ZNF354C: variants seen among roughly 807,000 people sequenced by gnomAD.
ZNF354C encodes zinc finger protein 354C, also known as KRAB-zinc finger protein synten.
In ZNF354C, 7 loss-of-function variants were observed where a neutral mutation model predicts 12.4. That is an observed-to-expected ratio of 0.56 (90% CI 0.32 to 1.06). The LOEUF (loss-of-function observed/expected upper bound fraction) is 1.06. Ranked by LOEUF, ZNF354C falls within the 50% of genes least tolerant of loss-of-function variation. ZNF354C has a pLI of 0.04. For missense variants in ZNF354C, 609 were observed against 658.0 expected, an observed-to-expected ratio of 0.93 and a Z score of 0.81; for synonymous variants, 202 against 224.5, an observed-to-expected ratio of 0.90 and a Z score of 0.90.
intron 2 of ZNF354C, among the ~76,000 whole-genome samples, chr5:179,069,676 TA>T (rs1762016568): frequency 1.3e-5 from 2 of 150,228 alleles, no homozygotes; most frequent in African/African-American, 4.9e-5. Flanking sequence ...CCATCCTGGC[TA>T]ACATGGCGAA....
In ZNF354C at chr5:179,079,080, C is replaced by T. The variant is rs775327716; in HGVS notation, c.648C>T (p.His216=). Residue 216 remains histidine, a synonymous_variant, in exon 5 of 5, where the codon CAC becomes CAT. Transcript: ENST00000315475. This position sits in a 1 kb window ranked among gnomAD's most constrained non-coding sequence, Gnocchi z 4.2. ...AGATTTACCCAGGAGGAAAACCTCACATCTGTAATGAATGTGGGAAGAGCT... is the reference window on the plus strand; with the variant it reads ...AGATTTACCCAGGAGGAAAACCTCATATCTGTAATGAATGTGGGAAGAGCT... ...CFQIYPGGKP[H]ICNECGKSFK... is the part of the protein sequence containing the mutation. The T allele has an allele frequency of 6.2e-7, 1 of 1,613,914 alleles. No individual in the cohort carries two copies. Among genetic ancestry groups the T allele is most frequent in the Non-Finnish European group, 8.5e-7 (1 of 1,180,012 alleles).
intron 2 of ZNF354C, among the ~76,000 whole-genome samples, chr5:179,072,474 G>T (rs1278163634): frequency 6.6e-6 from 1 of 152,072 alleles, no homozygotes; most frequent in East Asian, 1.9e-4. Flanking sequence ...AGTTCTAGAA[G>T]GAGAGGGGAC....
rs761541929 is a variant in ZNF354C at position 179,079,884 on chromosome 5, C to T, written c.1452C>T (p.Thr484=). The change falls in exon 5 of 5, where the codon ACC becomes ACT. Residue 484 remains threonine (T), a synonymous_variant. Transcript: ENST00000315475. This position sits in a 1 kb window ranked among gnomAD's most constrained non-coding sequence, Gnocchi z 4.2. ...CCTTCAGCCAGTATTCATTTTTAAC[C>T]GAACATGAGAGGATCCACACTGGAG... ...GKAFSQYSFL[T]EHERIHTGEK... 1.6e-5 allele frequency: 26 copies of T among 1,613,302 alleles called. No homozygotes were observed. The East Asian group carries it at 2.0e-4, about 12-fold the overall frequency.
chr5:179,079,781 G>T lies in ZNF354C; in HGVS notation c.1349G>T (p.Gly450Val), dbSNP rs761747854. Reference sequence around the variant, plus strand: ...TGTGAGGAATGTGGGAAAGCCTTTGGTTGCAAATCTAACCTTTATAGGCAT... The same window carrying T: ...TGTGAGGAATGTGGGAAAGCCTTTGTTTGCAAATCTAACCTTTATAGGCAT... The part of the protein sequence containing the change: ...YTCEECGKAF[G>V]CKSNLYRHQR... Residue 450 changes from glycine to valine, a missense_variant, in exon 5 of 5, where the codon GGT becomes GTT. Transcript: ENST00000315475. This position sits in a 1 kb window ranked among gnomAD's most constrained non-coding sequence, Gnocchi z 4.2. 5 of 1,614,108 alleles carry T rather than the reference G, an allele frequency of 3.1e-6. No homozygotes were observed. Among genetic ancestry groups the T allele is most frequent in the Non-Finnish European group, 4.2e-6 (5 of 1,180,010 alleles).
chr5:179,063,909 A>G (rs1482742266), intron 2 of ZNF354C, among the ~76,000 whole-genome samples: 1 of 152,254 alleles, frequency 6.6e-6, no homozygotes, highest in Non-Finnish European at 1.5e-5. Flanking sequence ...CAGCAGCACT[A>G]TTTTAGGACC....
rs1404024948 is a variant in ZNF354C at position 179,082,726 on chromosome 5, A to T, written c.*2629A>T. The T allele has an allele frequency of 2.6e-6, 4 of 1,545,810 alleles. No individual in the cohort carries two copies. Among genetic ancestry groups the T allele is most frequent in the Non-Finnish European group, 3.6e-6 (4 of 1,120,226 alleles). On this transcript the variant is annotated 3_prime_UTR_variant, in exon 5 of 5. Transcript: ENST00000315475. ...TTTCTTTCTGCACCAAACCCCATTG[A>T]GTTATCTGGTCCCCTTGGCTGACGA...
At position 179,076,433 on chromosome 5, in the gene ZNF354C, T is replaced by C; in HGVS notation, c.28-12T>C. 6.2e-7 allele frequency: 1 copy of C among 1,614,188 alleles called. No homozygotes were observed. Among genetic ancestry groups the C allele is most frequent in the South Asian group, 1.1e-5 (1 of 91,090 alleles). ...TGGTCCTGGGTGAGCAGGTATGGGT[T>C]TGCCATTACAGGAGCCTGTGACATT... On this transcript the variant is annotated splice_polypyrimidine_tract_variant and intron_variant, in intron 2 of 4. Transcript: ENST00000315475.
At chr5:179,073,058 C>CAG (rs1378618406) in intron 2 of ZNF354C, among the ~76,000 whole-genome samples, 1 of 151,968 alleles carries the variant, frequency 6.6e-6, no homozygotes, top group Admixed American at 6.6e-5. Flanking sequence ...GTACTACATA[C>CAG]AGAGAATCAA....
At chr5:179,075,074 A>G (rs1762099207) in intron 2 of ZNF354C, among the ~76,000 whole-genome samples, 1 of 151,828 alleles carries the variant, frequency 6.6e-6, no homozygotes, top group African/African-American at 2.4e-5. Context: ...CCTGGCCAAC[A>G]TGGTGAAACC....
intron 2 of ZNF354C, among the ~76,000 whole-genome samples, chr5:179,067,144 A>G (rs1761967805): frequency 6.6e-6 from 1 of 152,206 alleles, no homozygotes; most frequent in Admixed American, 6.5e-5. Context: ...CTTACCACAC[A>G]AAGTCGGGTG....
Position 179,080,299 on chromosome 5 carries a change from C to G in ZNF354C, c.*202C>G, listed in dbSNP as rs996817459. ...AAAAGAACCATAAATTCTAAGGTAT[C>G]TAAAAACCTATGAGTATTTAATTCA... On this transcript the variant is annotated 3_prime_UTR_variant, in exon 5 of 5. Transcript: ENST00000315475. The G allele has an allele frequency of 1.2e-4, 42 of 359,352 alleles. No individual in the cohort carries two copies. Among genetic ancestry groups the G allele is most frequent in the Non-Finnish European group, 2.0e-4 (41 of 201,730 alleles). The allele number at this position is 359,352 out of a possible 1,614,324, so 22.3% of individuals were successfully genotyped here. A position where few individuals can be genotyped will look rare whatever the true frequency, so the allele number is the denominator to read the frequency against.
chr5:179,062,030 ACT>A lies in ZNF354C; in HGVS notation c.-36_-35del. ...TCCTCTGCAGACCCACCGTGTCCACACTCTGCTCTCCCTGGGCAGGAAGACTG... is the reference window on the plus strand; with the variant it reads ...TCCTCTGCAGACCCACCGTGTCCACACTGCTCTCCCTGGGCAGGAAGACTG... On this transcript the variant is annotated 5_prime_UTR_variant, in exon 2 of 5. Coordinates refer to ENST00000315475, the MANE Select transcript of ZNF354C (RefSeq NM_014594.3). The A allele has an allele frequency of 6.2e-7, 1 of 1,613,564 alleles. No individual in the cohort carries two copies. The highest frequency in any genetic ancestry group is 8.5e-7 in the Non-Finnish European group (1 of 1,179,654).
Position 179,078,942 on chromosome 5 carries a change from TACAAA to T in ZNF354C, c.511_515del (p.Thr171TyrfsTer26), listed in dbSNP as rs1762172422. 2.0e-5 allele frequency: 33 copies of T among 1,614,022 alleles called. No homozygotes were observed. The highest frequency in any genetic ancestry group is 2.6e-5 in the Non-Finnish European group (31 of 1,180,022). ...GTCTTGAATTGGGGAAAAGCTTATT[TACAAA>T]TACAGCTCTTGTCACACAACAGAGT... is the stretch of plus-strand genomic sequence containing the variant. On this transcript the variant is annotated frameshift_variant, in exon 5 of 5. Transcript: ENST00000315475. LOFTEE classifies it low-confidence loss of function (END_TRUNC).
At chr5:179,061,703 G>A (rs1341296879) in intron 1 of ZNF354C, among the ~76,000 whole-genome samples, 1 of 152,062 alleles carries the variant, frequency 6.6e-6, no homozygotes, top group Non-Finnish European at 1.5e-5. Flanking sequence ...CGCCCCAGGA[G>A]ACTGGATATT....
intron 2 of ZNF354C, among the ~76,000 whole-genome samples, chr5:179,068,777 G>A (rs1761997298): frequency 6.6e-6 from 1 of 152,164 alleles, no homozygotes; most frequent in African/African-American, 2.4e-5. Context: ...CCAGAGACGA[G>A]GTGGCCTCAA....
At chr5:179,066,201 T>C (rs1011321783) in intron 2 of ZNF354C, among the ~76,000 whole-genome samples, 2 of 152,366 alleles carry the variant, frequency 1.3e-5, no homozygotes, top group Admixed American at 6.5e-5. Context: ...GGTTACCCTA[T>C]AGTTTTCAAT....
intron 4 of ZNF354C, among the ~76,000 whole-genome samples, chr5:179,077,416 C>T (rs1762139081): frequency 6.6e-6 from 1 of 152,084 alleles, no homozygotes; most frequent in African/African-American, 2.4e-5. Context: ...TTAGAGTCAC[C>T]TCGAACTAAA....
chr5:179,060,520 C>T lies in ZNF354C; in HGVS notation c.-201C>T, dbSNP rs1561746224. 1 of 152,324 alleles carries T rather than the reference C, an allele frequency of 6.6e-6. No homozygotes were observed. The highest frequency in any genetic ancestry group is 1.5e-5 in the Non-Finnish European group (1 of 68,150). The allele number at this position is 152,324 out of a possible 1,614,324, so 9.4% of individuals were successfully genotyped here. A position where few individuals can be genotyped will look rare whatever the true frequency, so the allele number is the denominator to read the frequency against. On this transcript the variant is annotated 5_prime_UTR_variant, in exon 1 of 5. Transcript: ENST00000315475. This position sits in a 1 kb window ranked among gnomAD's most constrained non-coding sequence, Gnocchi z 4.2. ...CTTCCGGGCCGGGGTGGATCCGGGC[C>T]TCTCCAGCGAGTGGGCGGCGTGCAG...
chr5:179,076,271 C>T (rs1235983134), intron 2 of ZNF354C, among the ~76,000 whole-genome samples, 174 bp from the exon 3 acceptor site: 1 of 152,216 alleles, frequency 6.6e-6, no homozygotes, highest in Non-Finnish European at 1.5e-5. Context: ...AATGAGTACT[C>T]CATAAATACT....
Sources: gnomAD v4.1 joint callset for allele counts (sites outside exome capture counted in the v4.1 genomes callset) on GRCh38, gnomAD v4.1.1 for gene constraint, Gnocchi (gnomAD v3.1) non-coding constraint, MANE v1.5 for transcripts, NCBI Gene and HGNC (gene_info 2026-07-23, HGNC 2026-07-21) for gene names.